Variants in ATRNL1 observed in about 807,000 individuals in gnomAD.
The protein encoded by ATRNL1 is attractin like 1.
A neutral mutation model predicts 182.7 loss-of-function variants in ATRNL1; 95 were observed. The observed-to-expected ratio is 0.52, with a 90% CI of 0.44 to 0.62. The LOEUF is 0.62. ATRNL1 is among the 20% of genes least tolerant of loss of function. ATRNL1 has a pLI of 0.00. For missense variants in ATRNL1, 1,471 were observed against 1,679.5 expected, an observed-to-expected ratio of 0.88 and a Z score of 2.17; for synonymous variants, 576 against 568.3, an observed-to-expected ratio of 1.01 and a Z score of -0.19.
intron 26 of ATRNL1, among the ~76,000 whole-genome samples, chr10:115,572,190 A>C (rs782235407): frequency 2.0e-5 from 3 of 152,114 alleles, no homozygotes; most frequent in Non-Finnish European, 4.4e-5. Context: ...AAATTTTACT[A>C]TATATATAGT....
At chr10:115,210,659 C>G (rs148306379) in intron 8 of ATRNL1, among the ~76,000 whole-genome samples, 48 of 151,780 alleles carry the variant, frequency 3.2e-4, no homozygotes, top group African/African-American at 1.1e-3. Flanking sequence ...CTCTTTTTCT[C>G]TTTACTTGCT....
At chr10:115,859,727 T>C (rs1555103050) in intron 28 of ATRNL1, among the ~76,000 whole-genome samples, 1 of 152,224 alleles carries the variant, frequency 6.6e-6, no homozygotes, top group African/African-American at 2.4e-5. Context: ...TCCCACAGAC[T>C]GTTTAATGGT....
chr10:115,924,164 G>A (rs1953149716), intron 28 of ATRNL1, among the ~76,000 whole-genome samples: 1 of 152,126 alleles, frequency 6.6e-6, no homozygotes, highest in African/African-American at 2.4e-5. Context: ...TGTCAGATGG[G>A]TAGATTGCAA....
intron 8 of ATRNL1, among the ~76,000 whole-genome samples, chr10:115,190,620 T>G (rs1299447943): frequency 6.6e-6 from 1 of 152,160 alleles, no homozygotes; most frequent in Non-Finnish European, 1.5e-5. Flanking sequence ...GAGATACATG[T>G]GATGTTTTGA....
intron 27 of ATRNL1, among the ~76,000 whole-genome samples, chr10:115,786,565 A>G (rs564992960): frequency 5.9e-5 from 9 of 152,274 alleles, no homozygotes; most frequent in Non-Finnish European, 1.2e-4. Context: ...GCCTTCTTAG[A>G]AGGATACAAG....
At chr10:115,147,756 C>T (rs2143869359) in intron 5 of ATRNL1, among the ~76,000 whole-genome samples, 1 of 152,006 alleles carries the variant, frequency 6.6e-6, no homozygotes. Context: ...TTCTTGGTGT[C>T]TTTGAAATCA....
rs900900843 is a variant in ATRNL1, at chr10:115,309,139, A to G, written c.2819-6379A>G. On this transcript the variant is annotated intron_variant, in intron 17 of 28. Coordinates refer to ENST00000355044, the MANE Select transcript of ATRNL1 (RefSeq NM_207303.4). ...TGTATCCCCATTTTTCTATGTATCT[A>G]CTTTTATACAAATACTATGATGTTT... Among the ~76,000 whole-genome samples, 4 of 152,068 alleles carry G rather than the reference A, an allele frequency of 2.6e-5. No homozygotes were observed. The East Asian group carries it at 5.8e-4, about 22-fold the overall frequency.
At chr10:115,496,057 C>G (rs1325134915) in intron 24 of ATRNL1, among the ~76,000 whole-genome samples, 1 of 152,154 alleles carries the variant, frequency 6.6e-6, no homozygotes, top group Non-Finnish European at 1.5e-5. Context: ...ATTGTAACCA[C>G]TACCATTGTA....
At chr10:115,658,775 A>G (rs1419945118) in intron 26 of ATRNL1, among the ~76,000 whole-genome samples, 1 of 152,136 alleles carries the variant, frequency 6.6e-6, no homozygotes, top group Non-Finnish European at 1.5e-5. Context: ...AGCCATCTGT[A>G]TCAGTCCATT....
In ATRNL1 at chr10:115,093,386, A is replaced by C; in HGVS notation, c.-365A>C. ...AGGCAGTTGGCGCGGGCCGCGGGCGAGGCGGGGCCGCGCGCGGGGTCCCCT... is the reference window on the plus strand; with the variant it reads ...AGGCAGTTGGCGCGGGCCGCGGGCGCGGCGGGGCCGCGCGCGGGGTCCCCT... On this transcript the variant is annotated 5_prime_UTR_variant, in exon 1 of 29. Coordinates refer to ENST00000355044, the MANE Select transcript of ATRNL1 (RefSeq NM_207303.4). This position sits in a 1 kb window ranked among gnomAD's most constrained non-coding sequence, Gnocchi z 6.1. The C allele has an allele frequency of 5.1e-6, 1 of 196,802 alleles. No homozygotes were observed. Among genetic ancestry groups the C allele is most frequent in the Non-Finnish European group, 1.0e-5 (1 of 98,726 alleles). 12.2% of individuals were successfully genotyped at this position (196,802 alleles called of 1,614,324 possible).
At chr10:115,804,150 A>C (rs1949863989) in intron 27 of ATRNL1, among the ~76,000 whole-genome samples, 1 of 152,212 alleles carries the variant, frequency 6.6e-6, no homozygotes, top group South Asian at 2.1e-4. Context: ...GCAAGTAAAA[A>C]GTATCCAGAA....
intron 24 of ATRNL1, among the ~76,000 whole-genome samples, chr10:115,497,042 A>C (rs1256808427): frequency 6.6e-6 from 1 of 152,082 alleles, no homozygotes; most frequent in Non-Finnish European, 1.5e-5. Flanking sequence ...TATTTCTCAG[A>C]GGATTTGTTC....
chr10:115,466,183 T>G (rs1377816132), intron 22 of ATRNL1, among the ~76,000 whole-genome samples: 1 of 151,438 alleles, frequency 6.6e-6, no homozygotes, highest in African/African-American at 2.4e-5. Flanking sequence ...CATATTTACT[T>G]TCTCCTAAGA....
intron 21 of ATRNL1, among the ~76,000 whole-genome samples, chr10:115,430,735 G>T (rs781904540): frequency 2.0e-5 from 3 of 151,382 alleles, no homozygotes; most frequent in African/African-American, 4.9e-5. Context: ...CCCAAATTTT[G>T]TTAAGGTATT....
At chr10:115,230,450 A>G (rs1849877933) in intron 9 of ATRNL1, among the ~76,000 whole-genome samples, 1 of 152,154 alleles carries the variant, frequency 6.6e-6, no homozygotes, top group Admixed American at 6.6e-5. Context: ...AGATGGGAAC[A>G]TCCTTGTCAT....
chr10:115,668,652 T>C lies in ATRNL1; in HGVS notation c.3796-58596T>C, dbSNP rs186191576. On this transcript the variant is annotated intron_variant, in intron 26 of 28. Coordinates refer to ENST00000355044, the MANE Select transcript of ATRNL1 (RefSeq NM_207303.4). ...TTCTGTGTTCTGTGTTCAGTATCAA[T>C]GTCAGTAGTGTACTAAAATGTCCAT... is the stretch of plus-strand genomic sequence containing the variant. Among the ~76,000 whole-genome samples the C allele has an allele frequency of 2.4e-3, 373 of 152,300 alleles. 4 individuals carry two copies. The highest frequency in any genetic ancestry group is 4.2e-3 in the Non-Finnish European group (286 of 68,008).
chr10:115,901,616 T>A (rs1952353954), intron 28 of ATRNL1, among the ~76,000 whole-genome samples: 1 of 151,906 alleles, frequency 6.6e-6, no homozygotes. Flanking sequence ...AAATATTAAA[T>A]CAGCAAGGAA....
intron 27 of ATRNL1, among the ~76,000 whole-genome samples, chr10:115,806,167 G>C (rs910112235): frequency 3.3e-5 from 5 of 152,054 alleles, no homozygotes; most frequent in Non-Finnish European, 7.4e-5. Flanking sequence ...TTTTACTTCT[G>C]AAGTCTTAGT....
At chr10:115,095,960 C>T (rs1337080004) in intron 1 of ATRNL1, among the ~76,000 whole-genome samples, 4 of 152,066 alleles carry the variant, frequency 2.6e-5, no homozygotes, top group Admixed American at 1.3e-4. Context: ...TTTAAAGTAG[C>T]GGAACTTGTT....
Sources: gnomAD v4.1 joint callset for allele counts (sites outside exome capture counted in the v4.1 genomes callset) on GRCh38, gnomAD v4.1.1 for gene constraint, Gnocchi (gnomAD v3.1) non-coding constraint, MANE v1.5 for transcripts, NCBI Gene and HGNC (gene_info 2026-07-23, HGNC 2026-07-21) for gene names.